PDE3B: variants seen among roughly 807,000 people sequenced by gnomAD.
The protein encoded by PDE3B is phosphodiesterase 3B.
A neutral mutation model predicts 116.8 loss-of-function variants in PDE3B; 66 were observed. That is an observed-to-expected ratio of 0.56 (90% CI 0.46 to 0.69). The LOEUF (loss-of-function observed/expected upper bound fraction) is 0.69, where lower values mean the gene tolerates loss of function less well. Ranked by LOEUF, PDE3B falls within the 30% of genes least tolerant of loss-of-function variation. The probability of loss-of-function intolerance (pLI) is 0.00; values close to 1 mark genes in which losing one functional copy is unlikely to be tolerated. For synonymous variants in PDE3B, 595 were observed against 533.6 expected (o/e 1.12, Z -1.59); for missense variants, 1,384 against 1,368.1 (o/e 1.01, Z -0.18).
chr11:14,834,756 A>G (rs960728355), intron 10 of PDE3B, among the ~76,000 whole-genome samples: 14 of 152,204 alleles, frequency 9.2e-5, no homozygotes, highest in African/African-American at 3.4e-4. Flanking sequence ...CTCCTTGGTT[A>G]TCCTGCCTTT....
At chr11:14,858,437 GA>G (rs1279635592) in intron 12 of PDE3B, among the ~76,000 whole-genome samples, 2 of 152,096 alleles carry the variant, frequency 1.3e-5, no homozygotes, top group African/African-American at 4.8e-5. Context: ...GTGAAGTGTA[GA>G]AAAAGTGAGT....
At chr11:14,781,473 C>T (rs548841579) in intron 2 of PDE3B, among the ~76,000 whole-genome samples, 2 of 152,106 alleles carry the variant, frequency 1.3e-5, no homozygotes, top group Non-Finnish European at 2.9e-5. Context: ...TGATCAAGTG[C>T]GCTTCATCCC....
At chr11:14,688,113 T>TTC (rs35700152) in intron 1 of PDE3B, among the ~76,000 whole-genome samples, 11,882 of 109,902 alleles carry the variant, frequency 0.11, 530 homozygotes, top group African/African-American at 0.18. Context: ...CTCTCTCTCT[T>TTC]TCTCTCTCTC....
At chr11:14,876,582 G>C (rs1208713089), downstream of PDE3B, among the ~76,000 whole-genome samples, 1 of 152,120 alleles carries the variant, frequency 6.6e-6, no homozygotes, top group African/African-American at 2.4e-5. Context: ...CACTCACAAA[G>C]CATAGTTTTA....
chr11:14,784,180 A>G (rs1858123906), intron 2 of PDE3B, among the ~76,000 whole-genome samples: 1 of 152,320 alleles, frequency 6.6e-6, no homozygotes, highest in Non-Finnish European at 1.5e-5. Flanking sequence ...CCTGATGCCA[A>G]AAAGGTTAGG....
intron 1 of PDE3B, among the ~76,000 whole-genome samples, chr11:14,690,606 A>C (rs992636258): frequency 7.0e-6 from 1 of 143,532 alleles, no homozygotes; most frequent in Non-Finnish European, 1.5e-5. Context: ...TGTATTTGTA[A>C]TTTTGCTTCC....
chr11:14,861,685 A>G (rs1055683963), intron 14 of PDE3B, among the ~76,000 whole-genome samples: 1 of 152,208 alleles, frequency 6.6e-6, no homozygotes, highest in Non-Finnish European at 1.5e-5. Context: ...AAAGAATTCA[A>G]CTGAGGGGCA....
Position 14,662,269 on chromosome 11 carries a change from A to G in PDE3B, c.978+17216A>G, listed in dbSNP as rs568604920. 2.6e-5 allele frequency among the ~76,000 whole-genome samples: 4 copies of G among 152,336 alleles called. No individual in the cohort carries two copies. In the East Asian group the frequency reaches 7.7e-4, roughly 29 times the overall value. On this transcript the variant is annotated intron_variant, in intron 1 of 15. Transcript: ENST00000282096. ...GGTCCTGTCTGTTAGAAGGAAAACT[A>G]ACAAACAGAAAGGACATCCACACCA...
At chr11:14,698,433 A>G (rs1855273188) in intron 1 of PDE3B, among the ~76,000 whole-genome samples, 1 of 151,950 alleles carries the variant, frequency 6.6e-6, no homozygotes, top group South Asian at 2.1e-4. Context: ...ATGTTGAACC[A>G]ACACTGTATT....
chr11:14,708,527 A>T (rs940016347), intron 1 of PDE3B, among the ~76,000 whole-genome samples: 2 of 152,136 alleles, frequency 1.3e-5, no homozygotes, highest in African/African-American at 4.8e-5. Context: ...ACCTAAATGT[A>T]ATACATGGCT....
rs1300813060 is a variant in PDE3B at position 14,871,067 on chromosome 11, A to G, written c.*1407A>G. 2.0e-5 allele frequency: 3 copies of G among 152,154 alleles called. No individual in the cohort carries two copies. Among genetic ancestry groups the G allele is most frequent in the African/African-American group, 4.8e-5 (2 of 41,456 alleles). The allele number at this position is 152,154 out of a possible 1,614,324, so 9.4% of individuals were successfully genotyped here. On this transcript the variant is annotated 3_prime_UTR_variant, in exon 16 of 16. Transcript: ENST00000282096. ...ACATATCATATTTTGGAATCATGCAATTTTGCACACAGTGAAACCATTAAT... is the reference window on the plus strand; with the variant it reads ...ACATATCATATTTTGGAATCATGCAGTTTTGCACACAGTGAAACCATTAAT...
Position 14,856,233 on chromosome 11 carries a change from C to T in PDE3B, c.2521-2810C>T, listed in dbSNP as rs559404293. ...GTGCCTGCCTCTCCATTGCCTTCCA[C>T]TGTGACTGTAAGTTTCCTGAGGCTT... is the stretch of plus-strand genomic sequence containing the variant. On this transcript the variant is annotated intron_variant, in intron 12 of 15. Coordinates refer to ENST00000282096, the MANE Select transcript of PDE3B (RefSeq NM_000922.4). Among the ~76,000 whole-genome samples the T allele has an allele frequency of 2.3e-3, 352 of 152,324 alleles. 2 individuals are homozygous for T. The highest frequency in any genetic ancestry group is 8.4e-3 in the African/African-American group (349 of 41,574).
At chr11:14,742,487 A>T (rs1295137855) in intron 1 of PDE3B, among the ~76,000 whole-genome samples, 1 of 151,986 alleles carries the variant, frequency 6.6e-6, no homozygotes, top group African/African-American at 2.4e-5. Flanking sequence ...AATTCATCTA[A>T]CCTTTTTTCT....
intron 1 of PDE3B, among the ~76,000 whole-genome samples, chr11:14,767,892 A>G (rs1857539977): frequency 1.3e-5 from 2 of 151,250 alleles, no homozygotes; most frequent in African/African-American, 4.8e-5. Flanking sequence ...TTTTAAAAAT[A>G]TCATATATAT....
At chr11:14,797,412 G>A (rs954389323) in intron 4 of PDE3B, among the ~76,000 whole-genome samples, 1 of 151,568 alleles carries the variant, frequency 6.6e-6, no homozygotes, top group African/African-American at 2.4e-5. Context: ...TGGCTATGAG[G>A]GATCTTTTTT....
chr11:14,799,408 G>T (rs763743013), intron 4 of PDE3B, among the ~76,000 whole-genome samples: 27 of 152,320 alleles, frequency 1.8e-4, no homozygotes, highest in Non-Finnish European at 2.9e-4. Context: ...TGTATATTCT[G>T]TTGATTTGGG....
intron 1 of PDE3B, among the ~76,000 whole-genome samples, chr11:14,672,864 T>C (rs942701401): frequency 6.6e-6 from 1 of 151,890 alleles, no homozygotes; most frequent in Non-Finnish European, 1.5e-5. Context: ...ACTCAGCTAC[T>C]AGAGAGATGG....
intron 5 of PDE3B, among the ~76,000 whole-genome samples, chr11:14,808,522 G>T (rs1859021726): frequency 6.6e-6 from 1 of 152,090 alleles, no homozygotes; most frequent in Non-Finnish European, 1.5e-5. Flanking sequence ...TATAAAGTAA[G>T]GCTACTTTTA....
intron 12 of PDE3B, among the ~76,000 whole-genome samples, chr11:14,851,742 C>T (rs1258098080): frequency 6.6e-6 from 1 of 152,108 alleles, no homozygotes; most frequent in Non-Finnish European, 1.5e-5. Context: ...GATGCCCATT[C>T]TCTCAAACCT....
Sources: gnomAD v4.1 joint callset for allele counts (sites outside exome capture counted in the v4.1 genomes callset) on GRCh38, gnomAD v4.1.1 for gene constraint, MANE v1.5 for transcripts, NCBI Gene and HGNC (gene_info 2026-07-23, HGNC 2026-07-21) for gene names.